Variants in ZNF804A observed in about 807,000 individuals in gnomAD.
ZNF804A encodes the protein zinc finger protein 804A.
ZNF804A carries 2 observed loss-of-function variants against 16.5 expected under a neutral mutation model. That is an observed-to-expected ratio of 0.12 (90% CI 0.05 to 0.38). ZNF804A has a LOEUF of 0.38. ZNF804A is among the 10% of genes least tolerant of loss of function. The pLI, the probability that ZNF804A is intolerant of heterozygous loss-of-function variation, is 0.99. For synonymous variants in ZNF804A, 534 were observed against 489.6 expected, an observed-to-expected ratio of 1.09 and a Z score of -1.20; for missense variants, 1,473 against 1,390.7, an observed-to-expected ratio of 1.06 and a Z score of -0.94.
intron 1 of ZNF804A, among the ~76,000 whole-genome samples, chr2:184,760,372 T>C (rs1368510930): frequency 1.3e-5 from 2 of 152,178 alleles, no homozygotes; most frequent in East Asian, 1.9e-4. Flanking sequence ...ATAATTATTT[T>C]TTCATTAAAA....
At chr2:184,623,085 T>C (rs1559110768) in intron 1 of ZNF804A, among the ~76,000 whole-genome samples, 1 of 152,224 alleles carries the variant, frequency 6.6e-6, no homozygotes, top group East Asian at 1.9e-4. Flanking sequence ...CTATTCTTTA[T>C]TGTAGTCATA....
intron 1 of ZNF804A, among the ~76,000 whole-genome samples, chr2:184,693,384 T>A (rs567311437): frequency 6.6e-6 from 1 of 152,332 alleles, no homozygotes; most frequent in East Asian, 1.9e-4. Context: ...CAAATATTAA[T>A]AATATAATTC....
chr2:184,796,216 G>A (rs549622383), intron 1 of ZNF804A, among the ~76,000 whole-genome samples: 8 of 152,084 alleles, frequency 5.3e-5, no homozygotes, highest in Admixed American at 3.9e-4. Flanking sequence ...TGGTATTAGG[G>A]TGATACTGAC....
At chr2:184,755,358 T>C (rs1693943859) in intron 1 of ZNF804A, among the ~76,000 whole-genome samples, 1 of 151,964 alleles carries the variant, frequency 6.6e-6, no homozygotes, top group South Asian at 2.1e-4. Context: ...TGTTTGTTTC[T>C]ATCTAGTCTT....
intron 1 of ZNF804A, among the ~76,000 whole-genome samples, chr2:184,779,903 T>C (rs1003908809): frequency 3.3e-5 from 5 of 151,682 alleles, no homozygotes; most frequent in Non-Finnish European, 7.4e-5. Context: ...CAGCAACAAA[T>C]AGGAAACCAG....
chr2:184,826,826 G>A (rs1695175818), intron 1 of ZNF804A, among the ~76,000 whole-genome samples: 1 of 151,964 alleles, frequency 6.6e-6, no homozygotes. Context: ...TATAGTAACA[G>A]CATTAAAAAC....
chr2:184,767,485 A>G (rs1212222445), intron 1 of ZNF804A, among the ~76,000 whole-genome samples: 1 of 152,150 alleles, frequency 6.6e-6, no homozygotes. Context: ...ATAGAGTTTC[A>G]GTTTTGCAAG....
intron 1 of ZNF804A, among the ~76,000 whole-genome samples, chr2:184,626,844 T>C (rs566071730): frequency 6.6e-6 from 1 of 152,338 alleles, no homozygotes; most frequent in South Asian, 2.1e-4. Flanking sequence ...CGTTCAATGT[T>C]ATAACAATTG....
intron 1 of ZNF804A, among the ~76,000 whole-genome samples, chr2:184,791,629 A>T (rs1558962648): frequency 1.3e-5 from 2 of 152,012 alleles, no homozygotes; most frequent in African/African-American, 2.4e-5. Flanking sequence ...CAACACACAC[A>T]CTCTATCAAT....
chr2:184,772,079 T>C (rs1238107653), intron 1 of ZNF804A, among the ~76,000 whole-genome samples: 9 of 152,066 alleles, frequency 5.9e-5, no homozygotes, highest in Admixed American at 4.6e-4. Flanking sequence ...TAATGTTCTA[T>C]TTCTTGATAT....
intron 1 of ZNF804A, among the ~76,000 whole-genome samples, chr2:184,781,195 C>T (rs1448263795): frequency 6.6e-6 from 1 of 151,710 alleles, no homozygotes; most frequent in African/African-American, 2.4e-5. Flanking sequence ...GGAAATGACA[C>T]ATGCATATGA....
chr2:184,732,438 A>C (rs965127395), intron 1 of ZNF804A, among the ~76,000 whole-genome samples: 1 of 152,164 alleles, frequency 6.6e-6, no homozygotes, highest in Non-Finnish European at 1.5e-5. Flanking sequence ...TGATTACTGT[A>C]GACTAAGAAT....
At chr2:184,910,687 A>G (rs1227510870) in intron 2 of ZNF804A, among the ~76,000 whole-genome samples, 1 of 152,090 alleles carries the variant, frequency 6.6e-6, no homozygotes, top group Non-Finnish European at 1.5e-5. Context: ...ACGAGATGGT[A>G]TATCATTGTG....
At chr2:184,764,807 GA>G (rs1239781340) in intron 1 of ZNF804A, among the ~76,000 whole-genome samples, 9 of 151,908 alleles carry the variant, frequency 5.9e-5, no homozygotes, top group Non-Finnish European at 1.3e-4. Flanking sequence ...AATAGTTTAT[GA>G]AAAAAATGAT....
At chr2:184,905,514 C>G (rs1835172) in intron 2 of ZNF804A, among the ~76,000 whole-genome samples, 64,773 of 151,852 alleles carry the variant, frequency 0.43, 16,802 homozygotes, top group East Asian at 0.82. Flanking sequence ...TTGCATGTGT[C>G]GCTTTTCTAT....
chr2:184,616,318 C>G (rs529834226), intron 1 of ZNF804A, among the ~76,000 whole-genome samples: 5 of 152,014 alleles, frequency 3.3e-5, no homozygotes, highest in Non-Finnish European at 7.4e-5. Flanking sequence ...CTGTAAATAG[C>G]AAAAACTACA....
intron 1 of ZNF804A, among the ~76,000 whole-genome samples, chr2:184,615,490 A>T (rs1172265675): frequency 6.6e-6 from 1 of 152,198 alleles, no homozygotes; most frequent in South Asian, 2.1e-4. Context: ...ATTAATTTGG[A>T]TGATAACTTA....
chr2:184,874,698 G>A (rs760957115), intron 2 of ZNF804A, among the ~76,000 whole-genome samples: 63 of 152,060 alleles, frequency 4.1e-4, no homozygotes, highest in Non-Finnish European at 8.7e-4. Flanking sequence ...TCAAAAGGCA[G>A]TGGCATATTT....
At chr2:184,908,304 C>G (rs1685308483) in intron 2 of ZNF804A, among the ~76,000 whole-genome samples, 1 of 152,070 alleles carries the variant, frequency 6.6e-6, no homozygotes, top group South Asian at 2.1e-4. Context: ...TTGAATCTCT[C>G]TCTCTTTTTT....
Sources: gnomAD v4.1 joint callset for allele counts (sites outside exome capture counted in the v4.1 genomes callset) on GRCh38, gnomAD v4.1.1 for gene constraint, MANE v1.5 for transcripts, NCBI Gene and HGNC (gene_info 2026-07-23, HGNC 2026-07-21) for gene names.